The following WDR49 variants were observed in gnomAD, a reference collection of about 807,000 sequenced individuals.
The protein encoded by WDR49 is cilia- and flagella-associated protein 337.
Under a neutral mutation model 119.5 loss-of-function variants are expected in WDR49, and 107 were observed. The ratio of observed to expected loss-of-function variants is 0.90; its 90% confidence interval spans 0.77 to 1.05. The LOEUF is 1.05. Among genes scored for constraint, WDR49 ranks in the 50% least tolerant of loss-of-function variants. The pLI is 0.00. For synonymous variants in WDR49, 425 were observed against 418.8 expected, an observed-to-expected ratio of 1.01 and a Z score of -0.18; for missense variants, 1,240 against 1,220.5, an observed-to-expected ratio of 1.02 and a Z score of -0.24.
chr3:167,560,132 T>C lies in WDR49; in HGVS notation c.1606A>G (p.Ile536Val). ...TTTGCATCAAGGGCCATAGTGCTGA[T>C]TTCTGCGTTGCCGTGGCAACCAGTA... ...QFTGCHGNAEISTMALDANET... is the reference protein window; with the variant it reads ...QFTGCHGNAEVSTMALDANET... The change falls in exon 9 of 19, where the codon ATC (isoleucine) becomes GTC (valine). Residue 536 changes from isoleucine (I) to valine (V), a missense_variant. Transcript: ENST00000682715. The C allele has an allele frequency of 6.2e-7, 1 of 1,614,226 alleles. No individual in the cohort carries two copies. The highest frequency in any genetic ancestry group is 8.5e-7 in the Non-Finnish European group (1 of 1,180,030).
At chr3:167,643,022 T>C (rs1717956276) in intron 2 of WDR49, among the ~76,000 whole-genome samples, 1 of 152,034 alleles carries the variant, frequency 6.6e-6, no homozygotes, top group African/African-American at 2.4e-5. Context: ...AATGCCATAC[T>C]GAAAATGAGT....
chr3:167,645,129 T>G (rs1391390729), intron 2 of WDR49, among the ~76,000 whole-genome samples: 1 of 152,018 alleles, frequency 6.6e-6, no homozygotes, highest in Non-Finnish European at 1.5e-5. Flanking sequence ...TGGACCATGC[T>G]AAGGGGGAAA....
At chr3:167,522,212 G>T in intron 16 of WDR49, 103 bp downstream of exon 16, 1 of 1,160,294 alleles carries the variant, frequency 8.6e-7, no homozygotes, top group East Asian at 2.6e-5. Flanking sequence ...TCTTGAGGTA[G>T]TCATTGAACA....
chr3:167,612,595 T>G (rs1716391886), intron 5 of WDR49, among the ~76,000 whole-genome samples: 2 of 151,588 alleles, frequency 1.3e-5, no homozygotes, highest in South Asian at 4.2e-4. Context: ...AAAGAGAGTA[T>G]ATCCAAATAA....
chr3:167,531,000 A>G lies in WDR49; in HGVS notation c.2218+115T>C, dbSNP rs947942572. ...CATGGTCTGTGACCTCACTTGACAC[A>G]CTACTGACTGGTTAGCTACGTGCAG... On this transcript the variant is annotated intron_variant, in intron 13 of 18. Coordinates refer to ENST00000682715, the MANE Select transcript of WDR49 (RefSeq NM_001366157.1). The G allele has an allele frequency of 2.2e-5, 24 of 1,082,798 alleles. 1 individual carries two copies. The African/African-American group carries it at 3.9e-4, about 17-fold the overall frequency. 67.1% of individuals were successfully genotyped at this position (1,082,798 alleles called of 1,614,324 possible).
intron 2 of WDR49, among the ~76,000 whole-genome samples, chr3:167,648,187 C>T (rs948255441): frequency 2.0e-5 from 3 of 152,014 alleles, no homozygotes; most frequent in Admixed American, 6.6e-5. Context: ...AAATTTATGC[C>T]GTGCCTATGT....
intron 18 of WDR49, among the ~76,000 whole-genome samples, chr3:167,479,907 T>A (rs79052155): frequency 8.6e-4 from 131 of 151,738 alleles, no homozygotes; most frequent in African/African-American, 2.8e-3. Context: ...GGATAGGAAG[T>A]GTCAACTGGA....
intron 7 of WDR49, among the ~76,000 whole-genome samples, chr3:167,584,851 T>G (rs1034071309): frequency 6.6e-6 from 1 of 152,064 alleles, no homozygotes; most frequent in African/African-American, 2.4e-5. Flanking sequence ...TGGAAAATAT[T>G]TTGTGTCTAA....
In WDR49 at chr3:167,602,267, C is replaced by A; in HGVS notation, c.1135G>T (p.Gly379Cys). The change falls in exon 7 of 19, where the codon GGC becomes TGC. Residue 379 changes from glycine (G) to cysteine (C), a missense_variant. Gly to Cys is a radical substitution (Grantham distance 159). Coordinates refer to ENST00000682715, the MANE Select transcript of WDR49 (RefSeq NM_001366157.1). Reference protein sequence around the residue: ...HSRLNLIATAGINNKVCLWNP... With the variant: ...HSRLNLIATACINNKVCLWNP... The stretch of plus-strand genomic sequence containing the variant: ...CAAAGGCAAACTTTATTGTTAATGC[C>A]AGCAGTTGCTAATCAGAATTAGAAA... 1 of 1,570,086 alleles carries A rather than the reference C, an allele frequency of 6.4e-7. No homozygotes were observed. The highest frequency in any genetic ancestry group is 8.7e-7 in the Non-Finnish European group (1 of 1,151,070).
chr3:167,494,273 A>C (rs1577195673), intron 18 of WDR49, among the ~76,000 whole-genome samples: 1 of 152,314 alleles, frequency 6.6e-6, no homozygotes, highest in East Asian at 1.9e-4. Context: ...CTGACTGCAC[A>C]CAGCAAGTTC....
At position 167,609,789 on chromosome 3, in the gene WDR49, C is replaced by T. The variant is rs1479539641; in HGVS notation, c.959-5321G>A. 2.0e-5 allele frequency among the ~76,000 whole-genome samples: 3 copies of T among 152,156 alleles called. No individual in the cohort carries two copies. In the East Asian group the frequency reaches 5.8e-4, roughly 29 times the overall value. On this transcript the variant is annotated intron_variant, in intron 5 of 18. Transcript: ENST00000682715. Reference sequence around the variant, plus strand: ...TCACGGCTCCAAAAGAGGTGCCTTCCTTTCACTTGAGGAGAGGAGAGGGAA... The same window carrying T: ...TCACGGCTCCAAAAGAGGTGCCTTCTTTTCACTTGAGGAGAGGAGAGGGAA...
intron 8 of WDR49, among the ~76,000 whole-genome samples, chr3:167,563,959 TG>T (rs1319358567): frequency 2.0e-5 from 3 of 152,226 alleles, no homozygotes; most frequent in Non-Finnish European, 4.4e-5. Context: ...AAAAGAGCCA[TG>T]TTCAAAGAAA....
At chr3:167,563,252 G>A (rs1283556014) in intron 8 of WDR49, among the ~76,000 whole-genome samples, 1 of 151,618 alleles carries the variant, frequency 6.6e-6, no homozygotes, top group Non-Finnish European at 1.5e-5. Flanking sequence ...TACTCAGGAG[G>A]CTGAGGCAGG....
intron 10 of WDR49, among the ~76,000 whole-genome samples, chr3:167,545,696 C>A (rs1712146768): frequency 6.7e-6 from 1 of 149,876 alleles, no homozygotes; most frequent in African/African-American, 2.4e-5. Context: ...ATATAATGGA[C>A]TTTGGGTACT....
chr3:167,547,381 A>G (rs1056549161), intron 10 of WDR49, among the ~76,000 whole-genome samples: 5 of 151,874 alleles, frequency 3.3e-5, no homozygotes, highest in Non-Finnish European at 7.4e-5. Context: ...ATTTAAAATT[A>G]TATGAAAGAT....
At chr3:167,616,793 A>G (rs1716617045) in intron 5 of WDR49, among the ~76,000 whole-genome samples, 1 of 152,248 alleles carries the variant, frequency 6.6e-6, no homozygotes, top group Non-Finnish European at 1.5e-5. Flanking sequence ...AAACTAAGGT[A>G]CATCATAATC....
At chr3:167,580,532 C>T (rs1357524406) in intron 7 of WDR49, among the ~76,000 whole-genome samples, 1 of 152,134 alleles carries the variant, frequency 6.6e-6, no homozygotes, top group African/African-American at 2.4e-5. Flanking sequence ...TTATACCTAA[C>T]TTCTCTGTTT....
intron 10 of WDR49, among the ~76,000 whole-genome samples, chr3:167,550,924 A>G (rs1712521282): frequency 6.6e-6 from 1 of 151,940 alleles, no homozygotes; most frequent in African/African-American, 2.4e-5. Context: ...AAGTTAACTG[A>G]TTATCTAGTC....
intron 15 of WDR49, among the ~76,000 whole-genome samples, chr3:167,524,433 G>T (rs1403513041): frequency 6.6e-6 from 1 of 152,054 alleles, no homozygotes; most frequent in Non-Finnish European, 1.5e-5. Flanking sequence ...GTCAACTTCA[G>T]CTTTTGCTGC....
Sources: allele counts gnomAD v4.1 joint callset (sites outside exome capture counted in the v4.1 genomes callset), GRCh38; gene constraint gnomAD v4.1.1; transcripts MANE v1.5; gene names NCBI Gene and HGNC (gene_info 2026-07-23, HGNC 2026-07-21).